The following SEMA6A variants were observed in gnomAD, a reference collection of about 807,000 sequenced individuals.
SEMA6A encodes the protein semaphorin-6A.
Under a neutral mutation model 96.8 loss-of-function variants are expected in SEMA6A, and 25 were observed. The observed-to-expected ratio is 0.26, with a 90% CI of 0.19 to 0.36. The LOEUF (loss-of-function observed/expected upper bound fraction) is 0.36. Among genes scored for constraint, SEMA6A ranks in the 10% least tolerant of loss-of-function variants. The pLI, the probability that SEMA6A is intolerant of heterozygous loss-of-function variation, is 1.00. For missense variants in SEMA6A, 1,363 were observed against 1,323.1 expected, an observed-to-expected ratio of 1.03 and a Z score of -0.47; for synonymous variants, 612 against 518.0, an observed-to-expected ratio of 1.18 and a Z score of -2.46.
intron 18 of SEMA6A, among the ~76,000 whole-genome samples, chr5:116,448,916 A>G (rs530655215): frequency 7.9e-5 from 12 of 152,196 alleles, no homozygotes; most frequent in Non-Finnish European, 1.3e-4. Context: ...TATTGCACCT[A>G]GAGTTTGCTG....
intron 18 of SEMA6A, among the ~76,000 whole-genome samples, chr5:116,457,501 A>C (rs1755088678): frequency 6.6e-6 from 1 of 152,210 alleles, no homozygotes; most frequent in Non-Finnish European, 1.5e-5. Context: ...ATCCTTTTAA[A>C]AAATATGAAA....
intron 2 of SEMA6A, among the ~76,000 whole-genome samples, chr5:116,502,865 A>T (rs1757953324): frequency 6.6e-6 from 1 of 152,194 alleles, no homozygotes; most frequent in African/African-American, 2.4e-5. Context: ...AGCCCCTGAG[A>T]GGTTGGTTGG....
At chr5:116,546,355 TATA>T (rs1760184031) in intron 1 of SEMA6A, among the ~76,000 whole-genome samples, 2 of 152,256 alleles carry the variant, frequency 1.3e-5, no homozygotes, top group Non-Finnish European at 2.9e-5. Flanking sequence ...TGTACATGCC[TATA>T]ATGAGTTAGC....
chr5:116,459,175 G>T (rs1450226150), intron 18 of SEMA6A, among the ~76,000 whole-genome samples: 18 of 152,136 alleles, frequency 1.2e-4, no homozygotes, highest in Admixed American at 1.1e-3. Context: ...CTTGCCTGGG[G>T]TTTTACCTAG....
intron 1 of SEMA6A, among the ~76,000 whole-genome samples, chr5:116,534,914 A>G (rs531593516): frequency 6.6e-6 from 1 of 152,348 alleles, no homozygotes; most frequent in South Asian, 2.1e-4. Flanking sequence ...GTAACTCAAA[A>G]AAGAGTACCT....
At chr5:116,476,398 C>T (rs1756449520) in intron 15 of SEMA6A, among the ~76,000 whole-genome samples, 1 of 152,136 alleles carries the variant, frequency 6.6e-6, no homozygotes, top group Non-Finnish European at 1.5e-5. Context: ...TATTTATGAG[C>T]CGTATAGGAA....
intron 1 of SEMA6A, among the ~76,000 whole-genome samples, chr5:116,507,567 C>G (rs997553485): frequency 1.3e-5 from 2 of 152,138 alleles, no homozygotes; most frequent in African/African-American, 4.8e-5. Flanking sequence ...ATTTAAGAGG[C>G]TGTTTAAGTC....
Position 116,529,361 on chromosome 5 carries a change from C to G in SEMA6A, c.-38-24379G>C, listed in dbSNP as rs568964624. Among the ~76,000 whole-genome samples the G allele has an allele frequency of 3.9e-5, 6 of 152,160 alleles. No individual in the cohort carries two copies. The East Asian group carries it at 1.2e-3, about 29-fold the overall frequency. On this transcript the variant is annotated intron_variant, in intron 1 of 18. Coordinates refer to ENST00000343348, the MANE Select transcript of SEMA6A (RefSeq NM_020796.5). Reference sequence around the variant, plus strand: ...GGGTGACTATAATGAACAACAACAACCTATTGTATATTTTCAAACAGCTAG... The same window carrying G: ...GGGTGACTATAATGAACAACAACAAGCTATTGTATATTTTCAAACAGCTAG...
chr5:116,566,779 G>C (rs1467071164), intron 1 of SEMA6A, among the ~76,000 whole-genome samples: 1 of 152,178 alleles, frequency 6.6e-6, no homozygotes, highest in Non-Finnish European at 1.5e-5. Flanking sequence ...ATCTCTACTG[G>C]GGTCAGCCAA....
chr5:116,445,747 CTTAT>C lies in SEMA6A; in HGVS notation c.*862_*865del, dbSNP rs1438624730. 4 of 152,714 alleles carry C rather than the reference CTTAT, an allele frequency of 2.6e-5. No homozygotes were observed. The highest frequency in any genetic ancestry group is 1.9e-4 in the East Asian group (1 of 5,194). The allele number at this position is 152,714 out of a possible 1,614,324, so 9.5% of individuals were successfully genotyped here. A position where few individuals can be genotyped will look rare whatever the true frequency, so the allele number is the denominator to read the frequency against. ...ACAAAGCTCAGAATTCCAGCTCCAACTTATTTACTCAGTGAATTTATTGTAAAAA... is the reference window on the plus strand; with the variant it reads ...ACAAAGCTCAGAATTCCAGCTCCAACTTACTCAGTGAATTTATTGTAAAAA... On this transcript the variant is annotated 3_prime_UTR_variant, in exon 19 of 19. Transcript: ENST00000343348.
chr5:116,493,501 T>A (rs1225755167), intron 6 of SEMA6A, among the ~76,000 whole-genome samples: 1 of 152,220 alleles, frequency 6.6e-6, no homozygotes, highest in Non-Finnish European at 1.5e-5. Flanking sequence ...TTTTGATTTT[T>A]AAAAAATATT....
intron 1 of SEMA6A, among the ~76,000 whole-genome samples, chr5:116,516,880 G>C (rs922376974): frequency 1.3e-5 from 2 of 152,126 alleles, no homozygotes; most frequent in Non-Finnish European, 2.9e-5. Context: ...CAGGGTCACC[G>C]CACAAACAGA....
At position 116,555,706 on chromosome 5, in the gene SEMA6A, G is replaced by A. The variant is rs1471998249; in HGVS notation, c.-39+18479C>T. Among the ~76,000 whole-genome samples the A allele has an allele frequency of 3.3e-5, 5 of 151,954 alleles. No individual in the cohort carries two copies. The East Asian group carries it at 7.7e-4, about 24-fold the overall frequency. ...AAAATTGTAAAAATTATCCAGGCTCGGTGTGCACCTGTAATCCCAGCTACT... is the reference window on the plus strand; with the variant it reads ...AAAATTGTAAAAATTATCCAGGCTCAGTGTGCACCTGTAATCCCAGCTACT... On this transcript the variant is annotated intron_variant, in intron 1 of 18. Transcript: ENST00000343348.
chr5:116,472,036 A>G (rs1409549955), intron 17 of SEMA6A, among the ~76,000 whole-genome samples: 1 of 152,222 alleles, frequency 6.6e-6, no homozygotes, highest in Non-Finnish European at 1.5e-5. Context: ...GGCTGTGTAT[A>G]CATGAAACTC....
intron 3 of SEMA6A, among the ~76,000 whole-genome samples, chr5:116,500,950 G>A (rs1451763112): frequency 1.3e-5 from 2 of 152,188 alleles, no homozygotes; most frequent in African/African-American, 4.8e-5. Flanking sequence ...GGAGGAGGTT[G>A]CAGTGAGCTG....
intron 1 of SEMA6A, among the ~76,000 whole-genome samples, chr5:116,522,768 A>T (rs553526780): frequency 2.7e-4 from 41 of 152,098 alleles, no homozygotes; most frequent in African/African-American, 9.2e-4. Context: ...ATTTCTGGGC[A>T]GGCACCTGCC....
chr5:116,459,891 A>G (rs1370766068), intron 18 of SEMA6A, among the ~76,000 whole-genome samples: 1 of 152,202 alleles, frequency 6.6e-6, no homozygotes, highest in African/African-American at 2.4e-5. Flanking sequence ...TAAGGTTTAC[A>G]TATAGCACAT....
chr5:116,466,360 C>G (rs1456890020), intron 18 of SEMA6A, among the ~76,000 whole-genome samples: 4 of 129,522 alleles, frequency 3.1e-5, no homozygotes, highest in Admixed American at 8.7e-5. Flanking sequence ...GCGTAGGCAA[C>G]AGAGTAAGAC....
In SEMA6A at chr5:116,478,695, A is replaced by G; in HGVS notation, c.1274T>C (p.Val425Ala). 1 of 1,612,324 alleles carries G rather than the reference A, an allele frequency of 6.2e-7. No homozygotes were observed. The highest frequency in any genetic ancestry group is 8.5e-7 in the Non-Finnish European group (1 of 1,179,426). Residue 425 changes from valine (V) to alanine (A), a missense_variant, in exon 13 of 19, where the codon GTG (valine) becomes GCG (alanine). Val to Ala is a moderately conservative substitution (Grantham distance 64). Transcript: ENST00000343348. ...CTGATATGGCCCAGCAGCTGTGTCC[A>G]CTGCAATTTTGGTAAGGCGGTATCT... ...MVRYRLTKIA[V>A]DTAAGPYQNH...
Sources: gnomAD v4.1 joint callset for allele counts (sites outside exome capture counted in the v4.1 genomes callset) on GRCh38, gnomAD v4.1.1 for gene constraint, MANE v1.5 for transcripts, NCBI Gene and HGNC (gene_info 2026-07-23, HGNC 2026-07-21) for gene names.